IPO11: variants seen among roughly 807,000 people sequenced by gnomAD.
IPO11 encodes importin-11.
IPO11 carries 66 observed loss-of-function variants against 143.2 expected under a neutral mutation model. That is an observed-to-expected ratio of 0.46 (90% CI 0.38 to 0.57). The LOEUF (loss-of-function observed/expected upper bound fraction) is 0.57, where lower values mean the gene tolerates loss of function less well. Among genes scored for constraint, IPO11 ranks in the 20% least tolerant of loss-of-function variants. The pLI, the probability that IPO11 is intolerant of heterozygous loss-of-function variation, is 0.00. For missense variants in IPO11, 1,026 were observed against 1,141.0 expected (o/e 0.90, Z 1.45); for synonymous variants, 385 against 377.8 (o/e 1.02, Z -0.22).
intron 16 of IPO11, among the ~76,000 whole-genome samples, chr5:62,495,518 C>T (rs1192547816): frequency 2.6e-5 from 4 of 151,752 alleles, no homozygotes; most frequent in Non-Finnish European, 5.9e-5. Flanking sequence ...TTTTTTGCCT[C>T]GGTTGCAGTG....
intron 1 of IPO11, among the ~76,000 whole-genome samples, chr5:62,420,073 G>C (rs147190020): frequency 2.0e-5 from 3 of 151,844 alleles, no homozygotes; most frequent in Non-Finnish European, 4.4e-5. Context: ...GGTGGATCAC[G>C]GGGTCAGGAG....
At chr5:62,611,311 C>G (rs1333045968) in intron 29 of IPO11, among the ~76,000 whole-genome samples, 1 of 152,058 alleles carries the variant, frequency 6.6e-6, no homozygotes, top group East Asian at 1.9e-4. Context: ...AACTGAGATG[C>G]AATAAAGATA....
Position 62,412,916 on chromosome 5 carries a change from G to A in IPO11, c.-20G>A, listed in dbSNP as rs1412335464. 1 of 152,706 alleles carries A rather than the reference G, an allele frequency of 6.5e-6. No individual in the cohort carries two copies. Among genetic ancestry groups the A allele is most frequent in the Non-Finnish European group, 1.5e-5 (1 of 68,092 alleles). The allele number at this position is 152,706 out of a possible 1,614,324, so 9.5% of individuals were successfully genotyped here. A position where few individuals can be genotyped will look rare whatever the true frequency, so the allele number is the denominator to read the frequency against. On this transcript the variant is annotated 5_prime_UTR_variant, in exon 1 of 30. Transcript: ENST00000325324. The stretch of plus-strand genomic sequence containing the variant: ...GGAGCGGGAGGGCCGGGCAATTCCC[G>A]ACCGAACCAAACGGTGAGGCCCCGG...
chr5:62,499,569 C>T (rs1376878761), intron 16 of IPO11, among the ~76,000 whole-genome samples: 4 of 100,084 alleles, frequency 4.0e-5, no homozygotes, highest in Non-Finnish European at 3.8e-5. Flanking sequence ...CTTACTCTAA[C>T]TTTTTTTTTT....
At chr5:62,494,482 C>T (rs541249962) in intron 16 of IPO11, among the ~76,000 whole-genome samples, 1 of 151,840 alleles carries the variant, frequency 6.6e-6, no homozygotes, top group Non-Finnish European at 1.5e-5. Context: ...ACTGTTGATT[C>T]TTTGTCCCTC....
At chr5:62,432,750 A>C (rs978137957) in intron 1 of IPO11, among the ~76,000 whole-genome samples, 1 of 152,064 alleles carries the variant, frequency 6.6e-6, no homozygotes, top group Non-Finnish European at 1.5e-5. Flanking sequence ...AATTCTTTTA[A>C]ACTGGAAGTT....
At chr5:62,584,191 A>C (rs985247479) in intron 27 of IPO11, among the ~76,000 whole-genome samples, 26 of 152,154 alleles carry the variant, frequency 1.7e-4, no homozygotes, top group African/African-American at 6.0e-4. Context: ...GGGATGTAAA[A>C]CTGAGAACTT....
chr5:62,532,699 A>G (rs868089575), intron 22 of IPO11, among the ~76,000 whole-genome samples: 22 of 152,172 alleles, frequency 1.4e-4, no homozygotes, highest in African/African-American at 4.6e-4. Context: ...TAGCTGATGC[A>G]TATTTCTTAC....
At position 62,534,267 on chromosome 5, in the gene IPO11, T is replaced by C. The variant is rs1466015000; in HGVS notation, c.2090-2435T>C. Among the ~76,000 whole-genome samples, 3 of 152,326 alleles carry C rather than the reference T, an allele frequency of 2.0e-5. No individual in the cohort carries two copies. The East Asian group carries it at 5.8e-4, about 29-fold the overall frequency. On this transcript the variant is annotated intron_variant, in intron 22 of 29. Coordinates refer to ENST00000325324, the MANE Select transcript of IPO11 (RefSeq NM_016338.5). The stretch of plus-strand genomic sequence containing the variant: ...ATTCTCATTACTTAAAAGATCAGCA[T>C]GTGACTGGCTCTTGTCCTAGTTATT...
At chr5:62,416,883 C>G (rs1743313281) in intron 1 of IPO11, among the ~76,000 whole-genome samples, 2 of 151,958 alleles carry the variant, frequency 1.3e-5, no homozygotes, top group South Asian at 4.1e-4. Context: ...GCGCAGGCCA[C>G]CATGCTTGGC....
intron 27 of IPO11, among the ~76,000 whole-genome samples, chr5:62,566,379 A>G (rs138045168): frequency 9.0e-4 from 137 of 152,248 alleles, no homozygotes; most frequent in Admixed American, 2.1e-3. Flanking sequence ...CTAATGATCA[A>G]TGATGTTGAG....
intron 5 of IPO11, among the ~76,000 whole-genome samples, chr5:62,464,676 C>T (rs1467548930): frequency 6.6e-6 from 1 of 151,908 alleles, no homozygotes; most frequent in Admixed American, 6.6e-5. Context: ...GACCGTGTTT[C>T]GCCATGTTGC....
chr5:62,431,934 C>CACATGCATACATACAT (rs1554046950), intron 1 of IPO11, among the ~76,000 whole-genome samples: 7 of 148,576 alleles, frequency 4.7e-5, no homozygotes, highest in African/African-American at 1.8e-4. Flanking sequence ...GAGCAAGACT[C>CACATGCATACATACAT]ACATACATAC....
rs146430281 is a variant in IPO11 at position 62,594,135 on chromosome 5, A to C, written c.2678+2463A>C. Among the ~76,000 whole-genome samples the C allele has an allele frequency of 5.7e-4, 87 of 152,358 alleles. 1 individual carries two copies. The East Asian group carries it at 0.015, about 26-fold the overall frequency. On this transcript the variant is annotated intron_variant, in intron 28 of 29. Transcript: ENST00000325324. ...AGAAAACTCTATTTCCTTCACCTAC[A>C]TCAGTAGTGTACTAGGGTTCTCCAG...
At chr5:62,419,659 CT>C (rs961148774) in intron 1 of IPO11, among the ~76,000 whole-genome samples, 19 of 149,086 alleles carry the variant, frequency 1.3e-4, no homozygotes, top group Middle Eastern at 3.2e-3. Flanking sequence ...TTACAGTTAA[CT>C]TTTTTTTTTA....
In IPO11 at chr5:62,444,132, G is replaced by T. The variant is rs1291197319; in HGVS notation, c.239+1049G>T. Among the ~76,000 whole-genome samples the T allele has an allele frequency of 3.5e-5, 5 of 142,412 alleles. No individual in the cohort carries two copies. The East Asian group carries it at 8.3e-4, about 24-fold the overall frequency. 93.4% of individuals were successfully genotyped at this position (142,412 alleles called of 152,430 possible). A position where few individuals can be genotyped will look rare whatever the true frequency, so the allele number is the denominator to read the frequency against. On this transcript the variant is annotated intron_variant, in intron 3 of 29. Transcript: ENST00000325324. The stretch of plus-strand genomic sequence containing the variant: ...TTTTTTTGAGACGGAGTCTCGCTCT[G>T]TTGCCCAGGCTGGAGTGCAATGGCA...
intron 27 of IPO11, among the ~76,000 whole-genome samples, chr5:62,583,425 A>G (rs39923): frequency 0.71 from 108,371 of 151,978 alleles, 39,360 homozygotes; most frequent in African/African-American, 0.85. Context: ...TAAATTCAAA[A>G]AAGGCAGTTC....
At chr5:62,483,662 A>G (rs1440591778) in intron 10 of IPO11, among the ~76,000 whole-genome samples, 1 of 152,118 alleles carries the variant, frequency 6.6e-6, no homozygotes, top group African/African-American at 2.4e-5. Flanking sequence ...TATTATTTGG[A>G]ATTCATTCAT....
intron 21 of IPO11, among the ~76,000 whole-genome samples, chr5:62,530,027 C>G (rs910401878): frequency 6.6e-6 from 1 of 152,074 alleles, no homozygotes; most frequent in Non-Finnish European, 1.5e-5. Flanking sequence ...GTACTAAGTT[C>G]ATATTTATTA....
Sources: allele counts gnomAD v4.1 joint callset (sites outside exome capture counted in the v4.1 genomes callset), GRCh38; gene constraint gnomAD v4.1.1; transcripts MANE v1.5; gene names NCBI Gene and HGNC (gene_info 2026-07-23, HGNC 2026-07-21).